TMEM132D: variants seen among roughly 807,000 people sequenced by gnomAD.
TMEM132D encodes the protein transmembrane protein 132D.
TMEM132D carries 21 observed loss-of-function variants against 62.3 expected under a neutral mutation model. The ratio of observed to expected loss-of-function variants is 0.34; its 90% CI spans 0.24 to 0.49. TMEM132D has a LOEUF of 0.49. Among genes scored for constraint, TMEM132D ranks in the 20% least tolerant of loss-of-function variants. TMEM132D has a pLI of 0.99. For synonymous variants in TMEM132D, 621 were observed against 575.6 expected (o/e 1.08, Z -1.13); for missense variants, 1,346 against 1,402.8 (o/e 0.96, Z 0.65).
chr12:129,259,340 C>T (rs1220196472), intron 4 of TMEM132D, among the ~76,000 whole-genome samples: 3 of 152,154 alleles, frequency 2.0e-5, no homozygotes, highest in Admixed American at 6.5e-5. Flanking sequence ...AGGAGAAGAA[C>T]CAGGCATGAG....
At chr12:129,209,910 G>A in intron 4 of TMEM132D, 3 of 514,280 alleles carry the variant, frequency 5.8e-6, no homozygotes, top group Non-Finnish European at 1.0e-5. Flanking sequence ...GGTGGCGGAG[G>A]AAATTTATTA....
chr12:129,161,184 G>A (rs923167897), intron 5 of TMEM132D, among the ~76,000 whole-genome samples: 1 of 152,222 alleles, frequency 6.6e-6, no homozygotes, highest in Non-Finnish European at 1.5e-5. Flanking sequence ...AAGGAGGGAT[G>A]TCATTCTGGC....
chr12:129,490,948 G>T (rs12296350), intron 3 of TMEM132D, among the ~76,000 whole-genome samples: 1 of 151,996 alleles, frequency 6.6e-6, no homozygotes, highest in South Asian at 2.1e-4. Context: ...GATCCGGCAC[G>T]TTGCTCTGTG....
chr12:129,360,011 A>C (rs879922474), intron 3 of TMEM132D, among the ~76,000 whole-genome samples: 55 of 151,124 alleles, frequency 3.6e-4, no homozygotes, highest in East Asian at 1.7e-3. Context: ...AAAAAAAAAA[A>C]ACCCCATTTT....
At chr12:129,379,780 T>C (rs1870887399) in intron 3 of TMEM132D, among the ~76,000 whole-genome samples, 1 of 152,190 alleles carries the variant, frequency 6.6e-6, no homozygotes, top group Non-Finnish European at 1.5e-5. Context: ...GCAGGAGTGG[T>C]AATTTCTGGG....
At chr12:129,098,252 G>T (rs899449090) in intron 5 of TMEM132D, among the ~76,000 whole-genome samples, 2 of 152,154 alleles carry the variant, frequency 1.3e-5, no homozygotes, top group Admixed American at 6.6e-5. Flanking sequence ...GCATAAATGT[G>T]GCCAACTGAT....
intron 1 of TMEM132D, among the ~76,000 whole-genome samples, chr12:129,801,447 G>A (rs866836776): frequency 4.3e-4 from 65 of 151,934 alleles, no homozygotes; most frequent in Admixed American, 9.8e-4. Flanking sequence ...TCACACGGCA[G>A]GGTATTCCAA....
chr12:129,846,766 G>T (rs889910335), intron 1 of TMEM132D, among the ~76,000 whole-genome samples: 5 of 152,024 alleles, frequency 3.3e-5, no homozygotes, highest in African/African-American at 1.2e-4. Flanking sequence ...TTTAACTTTG[G>T]TTATTCTATT....
intron 2 of TMEM132D, among the ~76,000 whole-genome samples, chr12:129,634,298 G>A (rs972134391): frequency 4.1e-5 from 6 of 146,450 alleles, no homozygotes; most frequent in Admixed American, 2.8e-4. Flanking sequence ...CATGGCCAGT[G>A]TCTGTCTATA....
intron 5 of TMEM132D, among the ~76,000 whole-genome samples, chr12:129,163,463 A>G (rs1434136090): frequency 6.6e-6 from 1 of 152,036 alleles, no homozygotes; most frequent in Non-Finnish European, 1.5e-5. Flanking sequence ...CTCTCTTCCC[A>G]CTAGATCTGG....
intron 4 of TMEM132D, among the ~76,000 whole-genome samples, chr12:129,316,714 TTGA>T (rs1404947722): frequency 6.6e-6 from 1 of 152,214 alleles, no homozygotes; most frequent in African/African-American, 2.4e-5. Flanking sequence ...ACTTTCTGTC[TTGA>T]TGATCTGTCT....
At chr12:129,828,710 G>GGA (rs1872731320) in intron 1 of TMEM132D, among the ~76,000 whole-genome samples, 2 of 50,854 alleles carry the variant, frequency 3.9e-5, no homozygotes, top group Non-Finnish European at 7.9e-5. Flanking sequence ...GGAGGGAGAA[G>GGA]GAAGGGAGGA....
At chr12:129,135,347 T>G (rs1181700786) in intron 5 of TMEM132D, among the ~76,000 whole-genome samples, 1 of 152,202 alleles carries the variant, frequency 6.6e-6, no homozygotes, top group Non-Finnish European at 1.5e-5. Context: ...AAGGGATGAC[T>G]CCTCTAGAGT....
intron 5 of TMEM132D, among the ~76,000 whole-genome samples, chr12:129,105,917 G>T (rs1274916125): frequency 1.3e-5 from 2 of 151,214 alleles, no homozygotes; most frequent in Non-Finnish European, 2.9e-5. Context: ...CCATTACTGG[G>T]TATATACCCA....
intron 5 of TMEM132D, among the ~76,000 whole-genome samples, chr12:129,207,834 C>T (rs12314697): frequency 0.027 from 4,168 of 152,236 alleles, 193 homozygotes; most frequent in African/African-American, 0.096. Context: ...TTAATACATT[C>T]ATAAAATTTG....
intron 2 of TMEM132D, among the ~76,000 whole-genome samples, chr12:129,652,199 C>T (rs778336750): frequency 6.6e-6 from 1 of 152,152 alleles, no homozygotes; most frequent in Admixed American, 6.5e-5. Flanking sequence ...GTTCTTCCAA[C>T]GTAGAAGAAC....
At chr12:129,365,758 T>C (rs528657992) in intron 3 of TMEM132D, among the ~76,000 whole-genome samples, 148 of 152,246 alleles carry the variant, frequency 9.7e-4, no homozygotes, top group African/African-American at 2.8e-3. Context: ...TGTGCTTCTC[T>C]GGAAAGGGAA....
intron 2 of TMEM132D, among the ~76,000 whole-genome samples, chr12:129,550,481 G>A (rs549762330): frequency 6.6e-5 from 10 of 152,242 alleles, no homozygotes; most frequent in South Asian, 4.1e-4. Flanking sequence ...CTCCTGGGCC[G>A]CTCCTTTGTT....
intron 5 of TMEM132D, among the ~76,000 whole-genome samples, chr12:129,177,493 C>T (rs1336495429): frequency 1.3e-5 from 2 of 152,152 alleles, no homozygotes; most frequent in African/African-American, 2.4e-5. Flanking sequence ...GATGATTGCT[C>T]ACACCTATAT....
Sources: allele counts gnomAD v4.1 joint callset (sites outside exome capture counted in the v4.1 genomes callset), GRCh38; gene constraint gnomAD v4.1.1; transcripts MANE v1.5; gene names NCBI Gene and HGNC (gene_info 2026-07-23, HGNC 2026-07-21).